The following ZNF407 variants were observed in gnomAD, a reference collection of about 807,000 sequenced individuals.
ZNF407 encodes zinc finger protein 407.
ZNF407 carries 17 observed loss-of-function variants against 131.2 expected under a neutral mutation model. The observed-to-expected ratio is 0.13, with a 90% CI of 0.09 to 0.19. The LOEUF (loss-of-function observed/expected upper bound fraction) is 0.19. Among genes scored for constraint, ZNF407 ranks in the 10% least tolerant of loss-of-function variants. The pLI, the probability that ZNF407 is intolerant of heterozygous loss-of-function variation, is 1.00. For synonymous variants in ZNF407, 1,156 were observed against 1,062.0 expected, an observed-to-expected ratio of 1.09 and a Z score of -1.72; for missense variants, 2,681 against 2,830.6, an observed-to-expected ratio of 0.95 and a Z score of 1.20.
intron 3 of ZNF407, among the ~76,000 whole-genome samples, chr18:74,776,053 T>G (rs2404472): frequency 0.8 from 121,713 of 152,158 alleles, 48,891 homozygotes; most frequent in East Asian, 0.99. Context: ...GAACGCAGAA[T>G]CAAACCATAT....
At chr18:74,678,971 C>T (rs865913827) in intron 3 of ZNF407, among the ~76,000 whole-genome samples, 3 of 151,550 alleles carry the variant, frequency 2.0e-5, no homozygotes, top group Non-Finnish European at 2.9e-5. Context: ...ATGGGCCCAC[C>T]GAGAGATGCA....
intron 3 of ZNF407, among the ~76,000 whole-genome samples, chr18:74,733,776 G>A (rs1023017631): frequency 3.3e-5 from 5 of 152,276 alleles, no homozygotes; most frequent in Middle Eastern, 3.4e-3. Context: ...AATTAGTGTC[G>A]TAACAGGACT....
chr18:74,831,748 C>T lies in ZNF407; in HGVS notation c.4878-45449C>T, dbSNP rs568289014. Among the ~76,000 whole-genome samples the T allele has an allele frequency of 7.2e-5, 11 of 152,294 alleles. 1 individual carries two copies. Among genetic ancestry groups the T allele is most frequent in the African/African-American group, 2.6e-4 (11 of 41,566 alleles). ...GTCGATGCCACGTGTCCCCCTCACC[C>T]CTGCCCTGCTGTGCATCACCCTGAG... On this transcript the variant is annotated intron_variant, in intron 4 of 8. Transcript: ENST00000299687.
intron 1 of ZNF407, among the ~76,000 whole-genome samples, chr18:74,607,717 G>A (rs540401725): frequency 1.4e-5 from 2 of 147,620 alleles, no homozygotes; most frequent in African/African-American, 5.2e-5. Context: ...GTTATTTTGT[G>A]TACTTAAATA....
chr18:74,964,108 G>A (rs779713022), intron 8 of ZNF407, among the ~76,000 whole-genome samples: 125 of 152,308 alleles, frequency 8.2e-4, no homozygotes, highest in African/African-American at 2.6e-3. Flanking sequence ...TTGGACAGGC[G>A]TTAAGTGTAA....
At chr18:74,844,833 T>G (rs1027445063) in intron 4 of ZNF407, among the ~76,000 whole-genome samples, 8 of 152,062 alleles carry the variant, frequency 5.3e-5, no homozygotes, top group African/African-American at 1.9e-4. Context: ...AGGCCACCAA[T>G]AAAGGACTCT....
chr18:75,063,165 C>T lies in ZNF407; in HGVS notation c.5444C>T (p.Ser1815Leu). The T allele has an allele frequency of 6.3e-7, 1 of 1,581,590 alleles. No individual in the cohort carries two copies. Among genetic ancestry groups the T allele is most frequent in the Non-Finnish European group, 8.6e-7 (1 of 1,163,290 alleles). Reference protein sequence around the residue: ...AYLHAGIVSKSYECRLKGQGA... With the variant: ...AYLHAGIVSKLYECRLKGQGA... ...TCTCCCTTAGGCATTGTTTCCAAGTCGTACGAGTGCCGTCTAAAGGGACAA... is the reference window on the plus strand; with the variant it reads ...TCTCCCTTAGGCATTGTTTCCAAGTTGTACGAGTGCCGTCTAAAGGGACAA... Residue 1815 changes from serine to leucine, a missense_variant, in exon 9 of 9, where the codon TCG becomes TTG. Physicochemically the swap from Ser to Leu is moderately radical, Grantham distance 145. Coordinates refer to ENST00000299687, the MANE Select transcript of ZNF407 (RefSeq NM_017757.3). This position sits in a 1 kb window ranked among gnomAD's most constrained non-coding sequence, Gnocchi z 6.6.
At chr18:74,911,709 T>C (rs1261174523) in intron 7 of ZNF407, among the ~76,000 whole-genome samples, 1 of 152,196 alleles carries the variant, frequency 6.6e-6, no homozygotes, top group Non-Finnish European at 1.5e-5. Flanking sequence ...TTGTAAGATT[T>C]ACTAAGTCAT....
rs111281474 is a variant in ZNF407, at chr18:75,022,954, G to A, written c.5429-40196G>A. Among the ~76,000 whole-genome samples, 361 of 152,292 alleles carry A rather than the reference G, an allele frequency of 2.4e-3. 2 individuals carry two copies. Among genetic ancestry groups the A allele is most frequent in the African/African-American group, 8.2e-3 (339 of 41,576 alleles). ...CCAGATGCTCATCAGTGATAGACTG[G>A]ATTTTAAAAATGTGATGCACGTACA... On this transcript the variant is annotated intron_variant, in intron 8 of 8. Transcript: ENST00000299687.
intron 3 of ZNF407, among the ~76,000 whole-genome samples, chr18:74,710,415 T>C (rs1967730414): frequency 6.6e-6 from 1 of 152,254 alleles, no homozygotes; most frequent in Admixed American, 6.5e-5. Context: ...GCACATGTTC[T>C]TCCTGTGCTG....
chr18:74,642,668 C>G (rs1358701928), intron 3 of ZNF407, among the ~76,000 whole-genome samples: 3 of 152,000 alleles, frequency 2.0e-5, no homozygotes, highest in Non-Finnish European at 2.9e-5. Flanking sequence ...CAGTGCCCAC[C>G]CTGCTCGCTA....
chr18:74,909,816 G>A (rs532323888), intron 7 of ZNF407, among the ~76,000 whole-genome samples: 120 of 152,102 alleles, frequency 7.9e-4, no homozygotes, highest in African/African-American at 2.7e-3. Context: ...TAGTATTCGT[G>A]TAGTCAAGTC....
intron 8 of ZNF407, among the ~76,000 whole-genome samples, chr18:74,991,497 T>C (rs1042059381): frequency 1.1e-4 from 16 of 152,248 alleles, no homozygotes; most frequent in African/African-American, 3.9e-4. Flanking sequence ...AAGGCAAGTC[T>C]TGTGTGGCAA....
intron 5 of ZNF407, among the ~76,000 whole-genome samples, chr18:74,880,748 G>A (rs1971226274): frequency 6.6e-6 from 1 of 152,200 alleles, no homozygotes; most frequent in Non-Finnish European, 1.5e-5. Flanking sequence ...CTGTTCAAGT[G>A]CATAAAGCAG....
At chr18:74,752,594 G>A (rs1968832336) in intron 3 of ZNF407, among the ~76,000 whole-genome samples, 1 of 152,108 alleles carries the variant, frequency 6.6e-6, no homozygotes, top group Non-Finnish European at 1.5e-5. Flanking sequence ...TCTACATATG[G>A]CTAGCCAGTT....
intron 3 of ZNF407, among the ~76,000 whole-genome samples, chr18:74,690,447 TG>T (rs915705430): frequency 3.8e-4 from 51 of 133,904 alleles, no homozygotes; most frequent in African/African-American, 1.1e-3. Context: ...TTTGTTTTTT[TG>T]GGGGTTTTTT....
intron 3 of ZNF407, among the ~76,000 whole-genome samples, chr18:74,754,060 C>T (rs1968871303): frequency 6.6e-6 from 1 of 152,144 alleles, no homozygotes; most frequent in African/African-American, 2.4e-5. Context: ...CAACTTCTTC[C>T]TGGTTTAGTC....
chr18:74,901,371 C>T (rs2628120), intron 7 of ZNF407, among the ~76,000 whole-genome samples: 90,423 of 152,040 alleles, frequency 0.59, 29,129 homozygotes, highest in Non-Finnish European at 0.72. Flanking sequence ...TGAGATAGTT[C>T]TGTTTTGTAC....
In ZNF407 at chr18:74,920,630, G is replaced by A. The variant is rs758408634; in HGVS notation, c.5366G>A (p.Arg1789Gln). 2 of 1,611,188 alleles carry A rather than the reference G, an allele frequency of 1.2e-6. No individual in the cohort carries two copies. Among genetic ancestry groups the A allele is most frequent in the South Asian group, 1.1e-5 (1 of 90,834 alleles). Residue 1789 changes from arginine to glutamine, a missense_variant, in exon 8 of 9, where the codon CGG (arginine) becomes CAG (glutamine). By Grantham distance (43) the Arg-to-Gln change is conservative. This residue lies in a region of ZNF407 where 39 missense variants were observed against 91.8 expected (regional missense o/e 0.42). Coordinates refer to ENST00000299687, the MANE Select transcript of ZNF407 (RefSeq NM_017757.3). Reference sequence around the variant, plus strand: ...GGGACCAACGTCCCGGTGGAGTTCCGGAACCATTTGAAGGAACAGCATCCT... The same window carrying A: ...GGGACCAACGTCCCGGTGGAGTTCCAGAACCATTTGAAGGAACAGCATCCT... ...DYGTNVPVEF[R>Q]NHLKEQHPDI...
Sources: allele counts gnomAD v4.1 joint callset (sites outside exome capture counted in the v4.1 genomes callset), GRCh38; gene constraint gnomAD v4.1.1; regional missense constraint gnomAD v4.1.1; non-coding constraint Gnocchi (gnomAD v3.1); transcripts MANE v1.5; gene names NCBI Gene and HGNC (gene_info 2026-07-23, HGNC 2026-07-21).